The following MYO5B variants were observed in gnomAD, a reference collection of about 807,000 sequenced individuals.
The protein encoded by MYO5B is unconventional myosin-Vb.
A neutral mutation model predicts 229.3 loss-of-function variants in MYO5B; 143 were observed. The ratio of observed to expected loss-of-function variants is 0.62; its 90% CI spans 0.54 to 0.72. The LOEUF (loss-of-function observed/expected upper bound fraction) is 0.72, where lower values mean the gene tolerates loss of function less well. MYO5B is among the 30% of genes least tolerant of loss of function. MYO5B has a pLI of 0.00. For missense variants in MYO5B, 2,321 were observed against 2,331.0 expected, an observed-to-expected ratio of 1.00 and a Z score of 0.09; for synonymous variants, 918 against 885.2, an observed-to-expected ratio of 1.04 and a Z score of -0.66.
intron 1 of MYO5B, among the ~76,000 whole-genome samples, chr18:50,159,322 A>T (rs1445199503): frequency 1.3e-5 from 2 of 152,102 alleles, no homozygotes; most frequent in Non-Finnish European, 2.9e-5. Context: ...TCTAACTCTG[A>T]TATTTGATTA....
intron 31 of MYO5B, 68 bp from the exon 32 acceptor site, chr18:49,849,728 G>A (rs1358874297): frequency 2.3e-6 from 3 of 1,304,114 alleles, no homozygotes; most frequent in Non-Finnish European, 2.2e-6. Flanking sequence ...GTAAAATCCT[G>A]CTTGCAGTTG....
rs1453558132 is a variant in MYO5B at position 49,879,056 on chromosome 18, G to A, written c.3165C>T (p.Leu1055=). The A allele has an allele frequency of 2.0e-6, 3 of 1,531,830 alleles. No individual in the cohort carries two copies. Among genetic ancestry groups the A allele is most frequent in the South Asian group, 1.1e-5 (1 of 87,484 alleles). 94.9% of individuals were successfully genotyped at this position (1,531,830 alleles called of 1,614,324 possible). The part of the protein sequence containing the change: ...EFAQNSVKEN[L]MKKELEEERS... Reference sequence around the variant, plus strand: ...GCTCCTCCTCCAGTTCTTTCTTCATGAGATTTTCCTTCACAGAGTTCTGGG... The same window carrying A: ...GCTCCTCCTCCAGTTCTTTCTTCATAAGATTTTCCTTCACAGAGTTCTGGG... Residue 1055 remains leucine (L), a synonymous_variant, in exon 24 of 40, where the codon CTC becomes CTT. Transcript: ENST00000285039.
At chr18:49,962,145 T>C in intron 12 of MYO5B, 121 bp downstream of exon 12, 1 of 1,341,126 alleles carries the variant, frequency 7.5e-7, no homozygotes, top group East Asian at 2.3e-5. Flanking sequence ...CTGCCAACGC[T>C]TCTTCCAGCA....
chr18:49,960,903 C>T (rs2025551331), intron 12 of MYO5B, among the ~76,000 whole-genome samples: 1 of 152,184 alleles, frequency 6.6e-6, no homozygotes, highest in African/African-American at 2.4e-5. Flanking sequence ...GAGTGAAAAG[C>T]CAGGGTCCTC....
rs1450724566 is a variant in MYO5B at position 49,895,112 on chromosome 18, C to T, written c.2874G>A (p.Glu958=). The change falls in exon 22 of 40, where the codon GAG becomes GAA. Residue 958 remains glutamate, a synonymous_variant. Coordinates refer to ENST00000285039, the MANE Select transcript of MYO5B (RefSeq NM_001080467.3). ...LSVTTSTYTM[E]VERLKKELVH... is the part of the protein sequence containing the mutation. Reference sequence around the variant, plus strand: ...CCAGCTCCTTCTTCAGCCGCTCTACCTCCATGGTGTATGTTGAGGTGGTCA... The same window carrying T: ...CCAGCTCCTTCTTCAGCCGCTCTACTTCCATGGTGTATGTTGAGGTGGTCA... The T allele has an allele frequency of 1.9e-6, 3 of 1,614,094 alleles. No individual in the cohort carries two copies. The highest frequency in any genetic ancestry group is 2.7e-5 in the African/African-American group (2 of 74,948).
chr18:49,890,520 G>A (rs2024699584), intron 22 of MYO5B, among the ~76,000 whole-genome samples: 1 of 152,226 alleles, frequency 6.6e-6, no homozygotes, highest in Non-Finnish European at 1.5e-5. Flanking sequence ...ATTAAGTTAA[G>A]TAAATGCCCC....
chr18:49,997,699 C>T (rs2026004379), intron 5 of MYO5B, among the ~76,000 whole-genome samples: 1 of 152,064 alleles, frequency 6.6e-6, no homozygotes, highest in Admixed American at 6.5e-5. Context: ...ATAAATCATC[C>T]CAGTGCACCC....
At chr18:49,957,722 T>C (rs566599572) in intron 12 of MYO5B, among the ~76,000 whole-genome samples, 105 of 150,990 alleles carry the variant, frequency 7.0e-4, no homozygotes, top group African/African-American at 2.2e-3. Context: ...CCAGTTATTC[T>C]ATGTCTGCTT....
Position 50,001,290 on chromosome 18 carries a change from C to T in MYO5B, c.577G>A (p.Glu193Lys), listed in dbSNP as rs1343072949. ...VGGSASETNI[E>K]EKVLASSPIM... The stretch of plus-strand genomic sequence containing the variant: ...GGACTGGATGCCAGCACCTTCTCTT[C>T]GATGTTGGTTTCACTGGCCGAGCCA... The change falls in exon 5 of 40, where the codon GAA becomes AAA. Residue 193 changes from glutamate to lysine, a missense_variant. Physicochemically the swap from Glu to Lys is moderately conservative, Grantham distance 56 (BLOSUM62 1). This residue lies in a region of MYO5B where 2,113 missense variants were observed against 2,044.7 expected (regional missense o/e 1.03). Coordinates refer to ENST00000285039, the MANE Select transcript of MYO5B (RefSeq NM_001080467.3). 2 of 1,614,186 alleles carry T rather than the reference C, an allele frequency of 1.2e-6. No homozygotes were observed. The highest frequency in any genetic ancestry group is 1.3e-5 in the African/African-American group (1 of 75,048).
intron 1 of MYO5B, among the ~76,000 whole-genome samples, chr18:50,119,670 A>C (rs931288626): frequency 2.6e-5 from 4 of 152,188 alleles, no homozygotes; most frequent in Admixed American, 2.0e-4. Context: ...TCCTTCTCCT[A>C]AGGGAGGGAT....
chr18:50,159,697 C>T (rs1196188056), intron 1 of MYO5B, among the ~76,000 whole-genome samples: 1 of 152,240 alleles, frequency 6.6e-6, no homozygotes, highest in Admixed American at 6.5e-5. Context: ...CCCGCACCTC[C>T]AGGCCTCTAT....
intron 17 of MYO5B, among the ~76,000 whole-genome samples, chr18:49,924,399 T>A (rs1292849813): frequency 6.6e-6 from 1 of 152,120 alleles, no homozygotes; most frequent in African/African-American, 2.4e-5. Context: ...CTAGGCTCAT[T>A]GAGATTAATT....
intron 1 of MYO5B, among the ~76,000 whole-genome samples, chr18:50,139,138 C>T (rs1029724010): frequency 3.3e-5 from 5 of 152,218 alleles, no homozygotes; most frequent in African/African-American, 2.4e-5. Flanking sequence ...CACAGGCCTT[C>T]GAAATGCCTG....
intron 3 of MYO5B, among the ~76,000 whole-genome samples, chr18:50,038,675 T>G (rs2029909620): frequency 6.6e-6 from 1 of 152,174 alleles, no homozygotes; most frequent in African/African-American, 2.4e-5. Flanking sequence ...GACTCAGACT[T>G]CTGTGCCATT....
chr18:50,053,102 T>A (rs999232854), intron 2 of MYO5B, among the ~76,000 whole-genome samples: 29 of 152,180 alleles, frequency 1.9e-4, no homozygotes, highest in African/African-American at 6.5e-4. Context: ...CCACGTAATT[T>A]CTGTGCTCCT....
intron 25 of MYO5B, chr18:49,876,099 T>G (rs2024519095): frequency 4.3e-6 from 2 of 462,772 alleles, no homozygotes; most frequent in Non-Finnish European, 8.0e-6. Flanking sequence ...CAACCATATA[T>G]TCCAAGAACA....
At chr18:49,960,684 C>A (rs776940453) in intron 12 of MYO5B, among the ~76,000 whole-genome samples, 2 of 152,160 alleles carry the variant, frequency 1.3e-5, no homozygotes, top group Non-Finnish European at 2.9e-5. Flanking sequence ...GTCTTATTCC[C>A]TAATGTGGTG....
Position 49,992,318 on chromosome 18 carries a change from G to GT in MYO5B, c.725dup (p.Tyr242Ter). The GT allele has an allele frequency of 6.2e-7, 1 of 1,614,168 alleles. No individual in the cohort carries two copies. The highest frequency in any genetic ancestry group is 8.5e-7 in the Non-Finnish European group (1 of 1,180,026). Residue 242 changes from tyrosine to a stop codon, truncating the protein, a stop_gained and frameshift_variant, in exon 6 of 40, where the codon TAC (tyrosine) becomes TAAC (stop). Transcript: ENST00000285039. LOFTEE classifies it high-confidence loss of function. ...AGACCACTCTGGACTTCTCCAAGAG[G>GT]TAAGTCCTCATGTTGGCCCCGATGA... ...YHIIGANMRT[Y>*]LLEKSRVVFQ...
At chr18:50,061,992 A>G (rs2144429591) in intron 1 of MYO5B, among the ~76,000 whole-genome samples, 1 of 152,282 alleles carries the variant, frequency 6.6e-6, no homozygotes, top group South Asian at 2.1e-4. Flanking sequence ...AGTACTGAAC[A>G]ATTTGCCCAA....
Sources: gnomAD v4.1 joint callset for allele counts (sites outside exome capture counted in the v4.1 genomes callset) on GRCh38, gnomAD v4.1.1 for gene constraint, gnomAD v4.1.1 regional missense constraint, MANE v1.5 for transcripts, NCBI Gene and HGNC (gene_info 2026-07-23, HGNC 2026-07-21) for gene names.